NRG1: variants seen among roughly 807,000 people sequenced by gnomAD.
NRG1 encodes the protein neuregulin 1, also known as pro-neuregulin-1, membrane-bound isoform.
NRG1 carries 18 observed loss-of-function variants against 63.8 expected under a neutral mutation model. The observed-to-expected ratio is 0.28, with a 90% CI of 0.19 to 0.42. The LOEUF is 0.42. Among genes scored for constraint, NRG1 ranks in the 10% least tolerant of loss-of-function variants. The pLI is 1.00. For synonymous variants in NRG1, 302 were observed against 301.3 expected (o/e 1.00, Z -0.02); for missense variants, 762 against 814.7 (o/e 0.94, Z 0.79).
At chr8:32,120,100 A>G (rs1287890792) in intron 1 of NRG1, among the ~76,000 whole-genome samples, 3 of 152,070 alleles carry the variant, frequency 2.0e-5, no homozygotes, top group African/African-American at 7.2e-5. Context: ...AGTTTATCTT[A>G]AAAATCCTAT....
At chr8:32,111,345 G>A (rs1358409904) in intron 1 of NRG1, among the ~76,000 whole-genome samples, 1 of 152,130 alleles carries the variant, frequency 6.6e-6, no homozygotes, top group East Asian at 1.9e-4. Flanking sequence ...TCAAACTCCT[G>A]ACCTCAAGTG....
At chr8:31,973,941 T>C (rs1435491552) in intron 1 of NRG1, among the ~76,000 whole-genome samples, 1 of 152,188 alleles carries the variant, frequency 6.6e-6, no homozygotes, top group Admixed American at 6.5e-5. Flanking sequence ...GCAGAGCGCT[T>C]TTCAAGAGTG....
At chr8:32,377,390 G>A (rs566262737) in intron 1 of NRG1, among the ~76,000 whole-genome samples, 1 of 152,314 alleles carries the variant, frequency 6.6e-6, no homozygotes, top group South Asian at 2.1e-4. Context: ...TTAGAGGAGA[G>A]CAAAGTTATG....
At chr8:32,396,017 G>A (rs1812393243) in intron 1 of NRG1, among the ~76,000 whole-genome samples, 1 of 152,036 alleles carries the variant, frequency 6.6e-6, no homozygotes, top group South Asian at 2.1e-4. Flanking sequence ...TTGCTGCTTT[G>A]TTAAAAATAA....
At chr8:32,105,473 A>C (rs1831143639) in intron 1 of NRG1, among the ~76,000 whole-genome samples, 1 of 152,122 alleles carries the variant, frequency 6.6e-6, no homozygotes, top group South Asian at 2.1e-4. Flanking sequence ...CACTATCACA[A>C]GAATAGCATG....
At chr8:31,646,664 A>G (rs1052660472) in intron 1 of NRG1, among the ~76,000 whole-genome samples, 1 of 152,254 alleles carries the variant, frequency 6.6e-6, no homozygotes, top group African/African-American at 2.4e-5. Flanking sequence ...TTTGATAGAC[A>G]CATAGAGTTT....
Position 31,964,258 on chromosome 8 carries a change from A to T in NRG1, c.37+324827A>T, listed in dbSNP as rs553117823. On this transcript the variant is annotated intron_variant, in intron 1 of 10. Coordinates refer to the NRG1 transcript ENST00000519301. Reference sequence around the variant, plus strand: ...TGTGAAACAGACAGCTAGTGCCAGTAAGGCTCCTATATCATAGAAGTCTAG... The same window carrying T: ...TGTGAAACAGACAGCTAGTGCCAGTTAGGCTCCTATATCATAGAAGTCTAG... Among the ~76,000 whole-genome samples, 9 of 152,354 alleles carry T rather than the reference A, an allele frequency of 5.9e-5. No individual in the cohort carries two copies. In the South Asian group the frequency reaches 1.9e-3, roughly 32 times the overall value.
At chr8:32,189,188 T>C (rs1318787365) in intron 1 of NRG1, among the ~76,000 whole-genome samples, 1 of 152,178 alleles carries the variant, frequency 6.6e-6, no homozygotes, top group East Asian at 1.9e-4. Context: ...ATCACCTAGA[T>C]AGTGAGCTAG....
intron 1 of NRG1, among the ~76,000 whole-genome samples, chr8:32,377,470 C>T (rs1254589090): frequency 2.0e-5 from 3 of 152,160 alleles, no homozygotes; most frequent in Non-Finnish European, 4.4e-5. Flanking sequence ...TTTGGGGATA[C>T]CTGCAAGATA....
At chr8:31,813,342 A>G (rs1563433088) in intron 1 of NRG1, among the ~76,000 whole-genome samples, 1 of 152,116 alleles carries the variant, frequency 6.6e-6, no homozygotes, top group Non-Finnish European at 1.5e-5. Flanking sequence ...GGCATGCACT[A>G]CATAATAATC....
chr8:32,569,767 A>AAAACAATC (rs982558931), intron 1 of NRG1, among the ~76,000 whole-genome samples: 2 of 152,028 alleles, frequency 1.3e-5, no homozygotes, highest in African/African-American at 4.8e-5. Flanking sequence ...ATTGTTTTTT[A>AAAACAATC]AAACAATCAT....
intron 1 of NRG1, among the ~76,000 whole-genome samples, chr8:31,993,809 G>T (rs1010000437): frequency 2.0e-5 from 3 of 151,972 alleles, no homozygotes; most frequent in Non-Finnish European, 4.4e-5. Context: ...AACACAGTTT[G>T]CTCACCCATG....
intron 1 of NRG1, among the ~76,000 whole-genome samples, chr8:31,892,592 C>A (rs1311403151): frequency 6.6e-6 from 1 of 152,052 alleles, no homozygotes; most frequent in Non-Finnish European, 1.5e-5. Flanking sequence ...ATTAAAATAG[C>A]CTACCACTTT....
intron 1 of NRG1, among the ~76,000 whole-genome samples, chr8:31,953,603 AG>A (rs1402256569): frequency 6.6e-6 from 1 of 152,214 alleles, no homozygotes; most frequent in African/African-American, 2.4e-5. Flanking sequence ...TCATCCTAGG[AG>A]AAAGAGTAGT....
At chr8:31,706,512 CT>C (rs1811165396) in intron 1 of NRG1, among the ~76,000 whole-genome samples, 1 of 152,088 alleles carries the variant, frequency 6.6e-6, no homozygotes, top group Non-Finnish European at 1.5e-5. Flanking sequence ...ATAAACAATA[CT>C]GCAAAGAATA....
At chr8:32,246,555 A>G (rs1413844722) in intron 1 of NRG1, among the ~76,000 whole-genome samples, 1 of 152,198 alleles carries the variant, frequency 6.6e-6, no homozygotes, top group Non-Finnish European at 1.5e-5. Flanking sequence ...ACAAAGCACT[A>G]CAGCTAGATT....
At chr8:32,499,609 G>A (rs1306757530) in intron 1 of NRG1, among the ~76,000 whole-genome samples, 2 of 152,138 alleles carry the variant, frequency 1.3e-5, no homozygotes, top group African/African-American at 4.8e-5. Flanking sequence ...AGGAGGTCTA[G>A]GCTGCAGTGA....
intron 1 of NRG1, among the ~76,000 whole-genome samples, chr8:32,058,640 C>T (rs1469942097): frequency 6.6e-6 from 1 of 151,908 alleles, no homozygotes; most frequent in Non-Finnish European, 1.5e-5. Context: ...CTGGATCTGT[C>T]AGAGTTAGGC....
rs1251150216 is a variant in NRG1, at chr8:32,334,984, C to T, written c.38-260844C>T. Among the ~76,000 whole-genome samples, 8 of 152,136 alleles carry T rather than the reference C, an allele frequency of 5.3e-5. No individual in the cohort carries two copies. The East Asian group carries it at 1.5e-3, about 29-fold the overall frequency. ...TTAAGTGTATTTCTCTTACAACAGC[C>T]CTGCACGTCCAGTGTTATTATTACT... On this transcript the variant is annotated intron_variant, in intron 1 of 10. Transcript: ENST00000519301.
Sources: allele counts gnomAD v4.1 joint callset (sites outside exome capture counted in the v4.1 genomes callset), GRCh38; gene constraint gnomAD v4.1.1; transcripts MANE v1.5; gene names NCBI Gene and HGNC (gene_info 2026-07-23, HGNC 2026-07-21).